The following PSG9 variants were observed in gnomAD, a reference collection of about 807,000 sequenced individuals.
PSG9 encodes the protein pregnancy-specific beta-1-glycoprotein 9.
Under a neutral mutation model 41.9 loss-of-function variants are expected in PSG9, and 49 were observed. The ratio of observed to expected loss-of-function variants is 1.17; its 90% CI spans 0.93 to 1.48. The LOEUF (loss-of-function observed/expected upper bound fraction) is 1.48, where lower values mean the gene tolerates loss of function less well. Ranked by LOEUF, PSG9 falls within the 40% of genes most tolerant of loss-of-function variation. The probability of loss-of-function intolerance (pLI) is 0.00; values close to 1 mark genes in which losing one functional copy is unlikely to be tolerated. For synonymous variants in PSG9, 263 were observed against 196.8 expected (o/e 1.34, Z -2.82); for missense variants, 641 against 520.3 (o/e 1.23, Z -2.26).
rs759656248 is a variant in PSG9, at chr19:43,258,827, C to G, written c.988+30G>C. 1.7e-5 allele frequency: 27 copies of G among 1,584,574 alleles called. 1 individual carries two copies. Among genetic ancestry groups the G allele is most frequent in the Non-Finnish European group, 2.1e-5 (25 of 1,171,300 alleles). On this transcript the variant is annotated intron_variant, in intron 4 of 5. Transcript: ENST00000270077. ...GGTCGTTTGGACTTAAGCTGGTGTC[C>G]TGGCCCACAGAGGAACAAAAGATAC...
intron 2 of PSG9, among the ~76,000 whole-genome samples, chr19:43,263,651 T>C (rs1968832787): frequency 6.6e-6 from 1 of 152,076 alleles, no homozygotes; most frequent in Non-Finnish European, 1.5e-5. Flanking sequence ...AAACTTTTAC[T>C]GATGGTCCAA....
At position 43,262,116 on chromosome 19, in the gene PSG9, G is replaced by C; in HGVS notation, c.453C>G (p.Ile151Met). 4 of 1,613,834 alleles carry C rather than the reference G, an allele frequency of 2.5e-6. No individual in the cohort carries two copies. Among genetic ancestry groups the C allele is most frequent in the Non-Finnish European group, 2.5e-6 (3 of 1,179,816 alleles). The change falls in exon 3 of 6, where the codon ATC (isoleucine) becomes ATG (methionine). Residue 151 changes from isoleucine to methionine, a missense_variant. Transcript: ENST00000270077. The stretch of plus-strand genomic sequence containing the variant: ...CCCTGGGGTTTAAGTTGCTGCTGGA[G>C]ATGTAGGGCTTGGGAGTCTCCACTG... ...TLYLETPKPY[I>M]SSSNLNPREA...
chr19:43,257,291 A>G, intron 5 of PSG9: 2 of 829,722 alleles, frequency 2.4e-6, no homozygotes, highest in Non-Finnish European at 2.9e-6. Context: ...GTTACACAAC[A>G]CTAAATTGCA....
At chr19:43,257,528 G>A (rs1185233561) in intron 5 of PSG9, 2 of 978,602 alleles carry the variant, frequency 2.0e-6, no homozygotes, top group African/African-American at 1.9e-5. Flanking sequence ...TCAGAGCCAG[G>A]ACGCAGCTCA....
At chr19:43,256,951 A>G (rs1968464022) in intron 5 of PSG9, among the ~76,000 whole-genome samples, 1 of 147,074 alleles carries the variant, frequency 6.8e-6, no homozygotes, top group Non-Finnish European at 1.5e-5. Context: ...AAACAACTGA[A>G]AAGTCCATTG....
intron 2 of PSG9, among the ~76,000 whole-genome samples, chr19:43,266,393 C>T (rs1450270889): frequency 6.6e-6 from 1 of 151,796 alleles, no homozygotes; most frequent in Non-Finnish European, 1.5e-5. Flanking sequence ...TCATTCATTT[C>T]TTCATTCAAG....
intron 2 of PSG9, among the ~76,000 whole-genome samples, chr19:43,264,498 C>T (rs548128995): frequency 2.8e-4 from 43 of 152,140 alleles, no homozygotes; most frequent in African/African-American, 1.0e-3. Flanking sequence ...CGCTCTGTCA[C>T]CCTGACTGGA....
At chr19:43,254,613 C>T (rs1968379175) in intron 5 of PSG9, among the ~76,000 whole-genome samples, 1 of 145,638 alleles carries the variant, frequency 6.9e-6, no homozygotes, top group Non-Finnish European at 1.5e-5. Flanking sequence ...TAAACCCAAG[C>T]ACAGTGAATG....
intron 5 of PSG9, among the ~76,000 whole-genome samples, chr19:43,256,175 C>T (rs964238804): frequency 2.1e-5 from 3 of 146,228 alleles, no homozygotes; most frequent in Non-Finnish European, 3.0e-5. Context: ...AAGATTGGAA[C>T]CTTTACCTAA....
rs1315340584 is a variant in PSG9 at position 43,259,108 on chromosome 19, A to T, written c.737T>A (p.Ile246Asn). The T allele has an allele frequency of 8.8e-6, 14 of 1,590,490 alleles. No homozygotes were observed. The highest frequency in any genetic ancestry group is 1.2e-5 in the Non-Finnish European group (14 of 1,174,362). ...LPKLPIPYIT[I>N]NNLNPRENKD... ...ATTCTCCCTGGGGTTTAAGTTGTTG[A>T]TGGTGATGTAGGGGATGGGCAGCTT... Residue 246 changes from isoleucine (I) to asparagine (N), a missense_variant, in exon 4 of 6, where the codon ATC (isoleucine) becomes AAC (asparagine). Ile to Asn is a moderately radical substitution (Grantham distance 149). Coordinates refer to ENST00000270077, the MANE Select transcript of PSG9 (RefSeq NM_002784.5).
In PSG9 at chr19:43,261,872, G is replaced by A; in HGVS notation, c.697C>T (p.Leu233=). The change falls in exon 3 of 6, where the codon CTG becomes TTG. Residue 233 remains leucine, a synonymous_variant. Coordinates refer to ENST00000270077, the MANE Select transcript of PSG9 (RefSeq NM_002784.5). ...AGAAGATACTCACGGAGGAGATTCA[G>A]GGTGACTGGGTCACTGCGACTGGCA... is the stretch of plus-strand genomic sequence containing the variant. ...VSASRSDPVT[L]NLLPKLPIPY... 6.2e-7 allele frequency: 1 copy of A among 1,614,082 alleles called. No homozygotes were observed. Among genetic ancestry groups the A allele is most frequent in the South Asian group, 1.1e-5 (1 of 91,078 alleles).
intron 2 of PSG9, among the ~76,000 whole-genome samples, chr19:43,264,575 G>T (rs550155321): frequency 6.6e-6 from 1 of 152,018 alleles, no homozygotes; most frequent in East Asian, 1.9e-4. Context: ...CTCCTGCCTA[G>T]GCCTCCCAAG....
At chr19:43,264,077 T>G (rs1568417917) in intron 2 of PSG9, among the ~76,000 whole-genome samples, 1 of 151,988 alleles carries the variant, frequency 6.6e-6, no homozygotes, top group African/African-American at 2.4e-5. Flanking sequence ...GGCTCGTGTG[T>G]CTCCCCACAT....
chr19:43,258,281 A>T lies in PSG9; in HGVS notation c.1164T>A (p.His388Gln), dbSNP rs768752547. ...KLFIPQITRN[H>Q]SGLYACSVHN... ...GAACAGAGCAAGCATAGAGCCCGCT[A>T]TGATTTCTAGTAATTTGGGGGATAA... is the stretch of plus-strand genomic sequence containing the variant. Residue 388 changes from histidine (H) to glutamine (Q), a missense_variant, in exon 5 of 6, where the codon CAT (histidine) becomes CAA (glutamine). Coordinates refer to ENST00000270077, the MANE Select transcript of PSG9 (RefSeq NM_002784.5). 17 of 1,592,750 alleles carry T rather than the reference A, an allele frequency of 1.1e-5. No individual in the cohort carries two copies. Among genetic ancestry groups the T allele is most frequent in the Non-Finnish European group, 1.4e-5 (17 of 1,174,470 alleles).
In PSG9 at chr19:43,253,727, C is replaced by T. The variant is rs1968349574; in HGVS notation, c.1244-81G>A. On this transcript the variant is annotated intron_variant, in intron 5 of 5. Transcript: ENST00000270077. ...AGAAAGCTTCTTTCCTACAGGCTCC[C>T]AGGAAGGGTGTGAAAGCAAGCCTAG... is the stretch of plus-strand genomic sequence containing the variant. The T allele has an allele frequency of 3.5e-6, 3 of 858,010 alleles. 1 individual carries two copies. The highest frequency in any genetic ancestry group is 1.9e-5 in the African/African-American group (1 of 53,318). 53.1% of individuals were successfully genotyped at this position (858,010 alleles called of 1,614,324 possible). A position where few individuals can be genotyped will look rare whatever the true frequency, so the allele number is the denominator to read the frequency against.
In PSG9 at chr19:43,258,665, A is replaced by G. The variant is rs143088658; in HGVS notation, c.988+192T>C. On this transcript the variant is annotated intron_variant, in intron 4 of 5. Transcript: ENST00000270077. The stretch of plus-strand genomic sequence containing the variant: ...GCCCCAAGTCTCCCATGACAAGAGC[A>G]TCCACTCCCCTTATATTCTTGGTTA... 4.4e-4 allele frequency among the ~76,000 whole-genome samples: 64 copies of G among 146,104 alleles called. 9 individuals are homozygous for G. In the East Asian group the frequency reaches 6.7e-3, roughly 15 times the overall value.
chr19:43,260,683 C>G (rs1466442920), intron 3 of PSG9: 1 of 151,354 alleles, frequency 6.6e-6, no homozygotes, highest in Non-Finnish European at 1.5e-5. Flanking sequence ...TTGTGGCAGT[C>G]ATTAATAAGA....
At position 43,268,165 on chromosome 19, in the gene PSG9, A is replaced by G. The variant is rs377434492; in HGVS notation, c.65-16T>C. The G allele has an allele frequency of 1.3e-6, 2 of 1,582,224 alleles. No homozygotes were observed. Among genetic ancestry groups the G allele is most frequent in the African/African-American group, 2.7e-5 (2 of 73,768 alleles). ...AAAAGTGATGCTAGGAGGGGGAGAC[A>G]GCATCAGTTAATATTGAGACCTATG... On this transcript the variant is annotated splice_polypyrimidine_tract_variant and intron_variant, in intron 1 of 5. Transcript: ENST00000270077.
At chr19:43,265,082 C>G (rs751214862) in intron 2 of PSG9, among the ~76,000 whole-genome samples, 1 of 148,298 alleles carries the variant, frequency 6.7e-6, no homozygotes, top group Non-Finnish European at 1.5e-5. Context: ...CTCACTCATT[C>G]CTGGACATAG....
Sources: gnomAD v4.1 joint callset for allele counts (sites outside exome capture counted in the v4.1 genomes callset) on GRCh38, gnomAD v4.1.1 for gene constraint, MANE v1.5 for transcripts, NCBI Gene and HGNC (gene_info 2026-07-23, HGNC 2026-07-21) for gene names.